The following NKAIN3 variants were observed in gnomAD, a reference collection of about 807,000 sequenced individuals.
The protein encoded by NKAIN3 is sodium/potassium-transporting ATPase subunit beta-1-interacting protein 3.
NKAIN3 carries 25 observed loss-of-function variants against 30.2 expected under a neutral mutation model. The observed-to-expected ratio is 0.83, with a 90% CI of 0.60 to 1.16. The LOEUF (loss-of-function observed/expected upper bound fraction) is 1.16, where lower values mean the gene tolerates loss of function less well. Among genes scored for constraint, NKAIN3 ranks in the 50% most tolerant of loss-of-function variants. The pLI is 0.00. For missense variants in NKAIN3, 225 were observed against 254.1 expected (o/e 0.89, Z 0.78); for synonymous variants, 91 against 89.6 (o/e 1.02, Z -0.09).
chr8:62,392,375 A>C (rs941987411), intron 1 of NKAIN3, among the ~76,000 whole-genome samples: 1 of 152,058 alleles, frequency 6.6e-6, no homozygotes, highest in Non-Finnish European at 1.5e-5. Flanking sequence ...AGTGGAGTGA[A>C]GCTCACTTTT....
In NKAIN3 at chr8:62,603,176, C is replaced by T. The variant is rs187215410; in HGVS notation, c.273+13382C>T. 3.4e-3 allele frequency among the ~76,000 whole-genome samples: 516 copies of T among 152,202 alleles called. 2 individuals are homozygous for T. The highest frequency in any genetic ancestry group is 0.011 in the African/African-American group (453 of 41,540). On this transcript the variant is annotated intron_variant, in intron 3 of 6. Transcript: ENST00000623646. ...TGGATTTTCTTGTGATGTTGATTTG[C>T]TTCGAATGCAAAATCTTAGTGTTGT...
At chr8:62,930,395 A>T (rs1822582598) in intron 5 of NKAIN3, among the ~76,000 whole-genome samples, 1 of 152,010 alleles carries the variant, frequency 6.6e-6, no homozygotes, top group Non-Finnish European at 1.5e-5. Flanking sequence ...CTGGGATTAC[A>T]GGCGCCTGAC....
At chr8:62,693,091 T>C (rs546952193) in intron 3 of NKAIN3, among the ~76,000 whole-genome samples, 5 of 152,192 alleles carry the variant, frequency 3.3e-5, no homozygotes, top group Non-Finnish European at 5.9e-5. Context: ...CCTGAGTCAG[T>C]TATATTTCCT....
chr8:62,515,104 T>C (rs559985005), intron 1 of NKAIN3, among the ~76,000 whole-genome samples: 50 of 152,216 alleles, frequency 3.3e-4, no homozygotes, highest in African/African-American at 1.2e-3. Context: ...CTGTAATACA[T>C]CATGACAATA....
chr8:62,742,418 T>C (rs1327785419), intron 3 of NKAIN3, among the ~76,000 whole-genome samples: 1 of 152,208 alleles, frequency 6.6e-6, no homozygotes, highest in Non-Finnish European at 1.5e-5. Flanking sequence ...AATTTATGTC[T>C]TGCTTTTAGG....
At position 62,965,398 on chromosome 8, in the gene NKAIN3, C is replaced by G. The variant is rs1271059641; in HGVS notation, c.648C>G (p.Asn216Lys). Residue 216 changes from asparagine (N) to lysine (K), a missense_variant, in exon 7 of 7, where the codon AAC becomes AAG. Coordinates refer to ENST00000623646, the MANE Select transcript of NKAIN3 (RefSeq NM_001304533.3). ...NDIEPEMRLL[N>K]LT ...TTGAACCAGAAATGCGGCTGCTGAACTTGACTTAGGGAGCAAAGGACCATT... is the reference window on the plus strand; with the variant it reads ...TTGAACCAGAAATGCGGCTGCTGAAGTTGACTTAGGGAGCAAAGGACCATT... The G allele has an allele frequency of 1.0e-6, 1 of 985,576 alleles. No homozygotes were observed. Among genetic ancestry groups the G allele is most frequent in the Non-Finnish European group, 1.2e-6 (1 of 829,920 alleles). The allele number at this position is 985,576 out of a possible 1,614,324, so 61.1% of individuals were successfully genotyped here.
intron 3 of NKAIN3, among the ~76,000 whole-genome samples, chr8:62,714,518 T>C (rs1046066342): frequency 2.6e-5 from 4 of 152,138 alleles, no homozygotes; most frequent in Admixed American, 1.3e-4. Flanking sequence ...GGTTGTCCCA[T>C]TTAATCCTCA....
intron 4 of NKAIN3, among the ~76,000 whole-genome samples, chr8:62,819,667 G>C (rs1324473627): frequency 6.6e-6 from 1 of 151,788 alleles, no homozygotes; most frequent in Admixed American, 6.6e-5. Flanking sequence ...TCTGTGCATT[G>C]GATGAAGATG....
intron 4 of NKAIN3, among the ~76,000 whole-genome samples, chr8:62,779,245 A>C (rs2130649932): frequency 6.6e-6 from 1 of 152,246 alleles, no homozygotes; most frequent in African/African-American, 2.4e-5. Context: ...ATGCTCCCCA[A>C]GTTCACTGGC....
chr8:62,953,977 G>T lies in NKAIN3; in HGVS notation c.603+5G>T. 3.1e-6 allele frequency: 3 copies of T among 954,994 alleles called. No homozygotes were observed. The highest frequency in any genetic ancestry group is 2.5e-6 in the Non-Finnish European group (2 of 801,816). The allele number at this position is 954,994 out of a possible 1,614,324, so 59.2% of individuals were successfully genotyped here. ...GAGTTAAAGCCTGTTAAACCAGTAAGTAAAGGTGTGATGATATGGAAAATA... is the reference window on the plus strand; with the variant it reads ...GAGTTAAAGCCTGTTAAACCAGTAATTAAAGGTGTGATGATATGGAAAATA... On this transcript the variant is annotated splice_donor_5th_base_variant and intron_variant, in intron 6 of 6. Coordinates refer to ENST00000623646, the MANE Select transcript of NKAIN3 (RefSeq NM_001304533.3).
chr8:62,301,300 C>G (rs1294834438), intron 1 of NKAIN3, among the ~76,000 whole-genome samples: 1 of 151,982 alleles, frequency 6.6e-6, no homozygotes, highest in Non-Finnish European at 1.5e-5. Flanking sequence ...ATTAAATTGT[C>G]CGGAGTTTAA....
intron 4 of NKAIN3, among the ~76,000 whole-genome samples, chr8:62,887,802 A>G (rs149189879): frequency 1.4e-3 from 211 of 152,284 alleles, no homozygotes; most frequent in African/African-American, 4.9e-3. Flanking sequence ...TTTTTTCATT[A>G]AACCCCTTAG....
At position 62,496,659 on chromosome 8, in the gene NKAIN3, A is replaced by G. The variant is rs1392584475; in HGVS notation, c.55-82880A>G. Among the ~76,000 whole-genome samples, 5 of 152,078 alleles carry G rather than the reference A, an allele frequency of 3.3e-5. No individual in the cohort carries two copies. The East Asian group carries it at 7.7e-4, about 23-fold the overall frequency. On this transcript the variant is annotated intron_variant, in intron 1 of 6. Transcript: ENST00000623646. ...TTATTCAACAGAGTTCATGATTGAG[A>G]TAATATAAAGAGTAGATTTCAATGG...
At chr8:62,542,789 G>A (rs971679422) in intron 1 of NKAIN3, among the ~76,000 whole-genome samples, 1 of 152,282 alleles carries the variant, frequency 6.6e-6, no homozygotes, top group Middle Eastern at 3.4e-3. Flanking sequence ...GCAGTTAAAT[G>A]TTCCTTATAT....
At chr8:62,462,934 C>T (rs1806041977) in intron 1 of NKAIN3, among the ~76,000 whole-genome samples, 1 of 152,188 alleles carries the variant, frequency 6.6e-6, no homozygotes, top group South Asian at 2.1e-4. Context: ...GTGAACTTCT[C>T]TTCTGTTACT....
At chr8:62,340,248 A>G (rs1815697727) in intron 1 of NKAIN3, among the ~76,000 whole-genome samples, 1 of 152,032 alleles carries the variant, frequency 6.6e-6, no homozygotes, top group Non-Finnish European at 1.5e-5. Flanking sequence ...GAAGGCAGCC[A>G]GGACTATTTA....
intron 3 of NKAIN3, among the ~76,000 whole-genome samples, chr8:62,666,628 T>C (rs575385447): frequency 6.6e-6 from 1 of 152,318 alleles, no homozygotes; most frequent in South Asian, 2.1e-4. Context: ...TATTTATCCC[T>C]TACCTTGAAG....
chr8:62,765,417 G>C (rs1816807370), intron 4 of NKAIN3, among the ~76,000 whole-genome samples: 1 of 152,104 alleles, frequency 6.6e-6, no homozygotes, highest in African/African-American at 2.4e-5. Context: ...ACTTCCTTCA[G>C]CCCCTCTAAC....
At chr8:62,603,196 T>C (rs1811033204) in intron 3 of NKAIN3, among the ~76,000 whole-genome samples, 3 of 152,166 alleles carry the variant, frequency 2.0e-5, no homozygotes, top group African/African-American at 7.2e-5. Context: ...AAAATCTTAG[T>C]GTTGTGACAT....
Sources: allele counts gnomAD v4.1 joint callset (sites outside exome capture counted in the v4.1 genomes callset), GRCh38; gene constraint gnomAD v4.1.1; transcripts MANE v1.5; gene names NCBI Gene and HGNC (gene_info 2026-07-23, HGNC 2026-07-21).